PCLO: variants seen among roughly 807,000 people sequenced by gnomAD.
The protein encoded by PCLO is protein piccolo.
PCLO carries 82 observed loss-of-function variants against 427.5 expected under a neutral mutation model. The ratio of observed to expected loss-of-function variants is 0.19; its 90% CI spans 0.16 to 0.23. The LOEUF (loss-of-function observed/expected upper bound fraction) is 0.23. Ranked by LOEUF, PCLO falls within the 10% of genes least tolerant of loss-of-function variation. PCLO has a pLI of 1.00. For missense variants in PCLO, 6,239 were observed against 6,115.9 expected (o/e 1.02, Z -0.67); for synonymous variants, 2,357 against 2,155.4 (o/e 1.09, Z -2.59).
intron 3 of PCLO, among the ~76,000 whole-genome samples, chr7:83,093,510 T>G (rs1790442923): frequency 8.4e-6 from 1 of 119,744 alleles, no homozygotes; most frequent in African/African-American, 3.1e-5. Context: ...TTTTTTTTTT[T>G]GAGATGGAGT....
intron 10 of PCLO, among the ~76,000 whole-genome samples, chr7:82,866,814 T>A (rs1202573095): frequency 6.6e-6 from 1 of 152,144 alleles, no homozygotes. Flanking sequence ...TATGCTGAAC[T>A]ATTAAAAATT....
At chr7:82,868,157 G>A (rs1241470928) in intron 10 of PCLO, 3 of 456,536 alleles carry the variant, frequency 6.6e-6, no homozygotes, top group African/African-American at 6.0e-5. Flanking sequence ...TCTGTGTGCT[G>A]TGTTTCTTGA....
At chr7:82,838,404 T>C in intron 14 of PCLO, 62 bp from the exon 15 acceptor site, 1 of 949,220 alleles carries the variant, frequency 1.1e-6, no homozygotes, top group Non-Finnish European at 1.5e-6. Context: ...TATCATTCAA[T>C]ATTTACTAGT....
At chr7:82,898,404 T>A (rs1259298306) in intron 9 of PCLO, among the ~76,000 whole-genome samples, 2 of 151,612 alleles carry the variant, frequency 1.3e-5, no homozygotes, top group Non-Finnish European at 1.5e-5. Context: ...TTGAAATTAT[T>A]TTTGTTTTCC....
Position 82,766,183 on chromosome 7 carries a change from C to T in PCLO, c.15008-4690G>A, listed in dbSNP as rs544416446. Among the ~76,000 whole-genome samples, 6 of 152,064 alleles carry T rather than the reference C, an allele frequency of 3.9e-5. No homozygotes were observed. The South Asian group carries it at 1.0e-3, about 26-fold the overall frequency. On this transcript the variant is annotated intron_variant, in intron 22 of 24. Coordinates refer to ENST00000333891, the MANE Select transcript of PCLO (RefSeq NM_033026.6). ...GCCCTAGGAAAAAATCAAAATAAACCTTTGAGAGTGGCAGCCTTGGCTTAT... is the reference window on the plus strand; with the variant it reads ...GCCCTAGGAAAAAATCAAAATAAACTTTTGAGAGTGGCAGCCTTGGCTTAT...
intron 3 of PCLO, among the ~76,000 whole-genome samples, chr7:83,048,634 A>C (rs1318143318): frequency 3.3e-5 from 5 of 152,202 alleles, no homozygotes; most frequent in African/African-American, 1.2e-4. Flanking sequence ...AGAAAGCAGT[A>C]TTCCCTGAAG....
At chr7:82,963,890 G>A (rs541967560) in intron 4 of PCLO, among the ~76,000 whole-genome samples, 4 of 151,858 alleles carry the variant, frequency 2.6e-5, no homozygotes, top group Admixed American at 1.3e-4. Flanking sequence ...GTTGTATAAC[G>A]AAAGAAAAAG....
chr7:83,055,203 A>G lies in PCLO; in HGVS notation c.3300+79047T>C, dbSNP rs1789349803. ...ACAAATTCAAACCCTAAAGGGCCAC[A>G]TAAACTGTGGAATAAATGGGACGCC... On this transcript the variant is annotated intron_variant, in intron 3 of 24. Coordinates refer to ENST00000333891, the MANE Select transcript of PCLO (RefSeq NM_033026.6). Among the ~76,000 whole-genome samples the G allele has an allele frequency of 2.6e-5, 4 of 152,144 alleles. No homozygotes were observed. In the South Asian group the frequency reaches 8.3e-4, roughly 31 times the overall value.
chr7:82,765,418 A>G (rs1790513041), intron 22 of PCLO, among the ~76,000 whole-genome samples: 1 of 149,512 alleles, frequency 6.7e-6, no homozygotes, highest in African/African-American at 2.6e-5. Context: ...TTAATAAAGT[A>G]GGGAACAGAA....
intron 3 of PCLO, among the ~76,000 whole-genome samples, chr7:83,035,955 T>C (rs1419030526): frequency 6.6e-6 from 1 of 152,194 alleles, no homozygotes; most frequent in Non-Finnish European, 1.5e-5. Flanking sequence ...TATAAGGCTC[T>C]ATCTGAATCC....
intron 10 of PCLO, among the ~76,000 whole-genome samples, chr7:82,850,995 C>T (rs1371051360): frequency 6.6e-6 from 1 of 151,944 alleles, no homozygotes; most frequent in Non-Finnish European, 1.5e-5. Context: ...CATATTGGGA[C>T]ATATTTGAAA....
chr7:83,032,436 C>G (rs1218312420), intron 3 of PCLO, among the ~76,000 whole-genome samples: 1 of 150,048 alleles, frequency 6.7e-6, no homozygotes, highest in Non-Finnish European at 1.5e-5. Context: ...CCTTCCTTCC[C>G]TTCCCTCCCT....
chr7:82,954,351 G>A lies in PCLO; in HGVS notation c.6602C>T (p.Thr2201Ile), dbSNP rs780312557. 19 of 1,613,770 alleles carry A rather than the reference G, an allele frequency of 1.2e-5. No individual in the cohort carries two copies. In the African/African-American group the frequency reaches 1.2e-4, roughly 10 times the overall value. The change falls in exon 5 of 25, where the codon ACT (threonine) becomes ATT (isoleucine). Residue 2201 changes from threonine to isoleucine, a missense_variant. Thr to Ile is a moderately conservative substitution (Grantham distance 89). This residue lies in a region of PCLO where 4,677 missense variants were observed against 4,468.4 expected (regional missense o/e 1.05). Coordinates refer to ENST00000333891, the MANE Select transcript of PCLO (RefSeq NM_033026.6). ...VCTTDSSSPI[T>I]TLDSITTVYT... is the part of the protein sequence containing the mutation. Reference sequence around the variant, plus strand: ...AACTGTGGTTATGCTATCCAGGGTAGTAATGGGTGAAGAGCTATCTGTGGT... The same window carrying A: ...AACTGTGGTTATGCTATCCAGGGTAATAATGGGTGAAGAGCTATCTGTGGT...
intron 3 of PCLO, among the ~76,000 whole-genome samples, chr7:83,013,109 C>G (rs1788125123): frequency 2.0e-5 from 3 of 151,902 alleles, no homozygotes; most frequent in Non-Finnish European, 2.9e-5. Context: ...CATATATTTT[C>G]CAGCTAGGTA....
intron 3 of PCLO, among the ~76,000 whole-genome samples, chr7:82,967,931 C>G (rs556679624): frequency 2.6e-5 from 4 of 152,236 alleles, no homozygotes; most frequent in African/African-American, 9.6e-5. Flanking sequence ...CTGAGAAGTT[C>G]AGTTTCAAAT....
chr7:82,966,896 A>T (rs1303397986), intron 3 of PCLO, among the ~76,000 whole-genome samples: 3 of 152,122 alleles, frequency 2.0e-5, no homozygotes, highest in Non-Finnish European at 2.9e-5. Flanking sequence ...TTTCATAATA[A>T]TTATCTTTAT....
At chr7:82,908,744 T>A in intron 8 of PCLO, 133 bp downstream of exon 8, 1 of 778,140 alleles carries the variant, frequency 1.3e-6, no homozygotes, top group Non-Finnish European at 2.1e-6. Flanking sequence ...TACTCCTTTA[T>A]GTTATTGGAA....
intron 3 of PCLO, among the ~76,000 whole-genome samples, chr7:82,999,144 A>G (rs1787710471): frequency 1.3e-5 from 2 of 148,184 alleles, no homozygotes; most frequent in South Asian, 4.2e-4. Context: ...AAAACCAAAA[A>G]GCAGAGAATG....
At chr7:82,796,140 G>A (rs1295183800) in intron 22 of PCLO, among the ~76,000 whole-genome samples, 1 of 152,058 alleles carries the variant, frequency 6.6e-6, no homozygotes, top group Non-Finnish European at 1.5e-5. Context: ...ACTTTTTAGT[G>A]GTCAATCGAT....
Sources: gnomAD v4.1 joint callset for allele counts (sites outside exome capture counted in the v4.1 genomes callset) on GRCh38, gnomAD v4.1.1 for gene constraint, gnomAD v4.1.1 regional missense constraint, MANE v1.5 for transcripts, NCBI Gene and HGNC (gene_info 2026-07-23, HGNC 2026-07-21) for gene names.